KIF14: variants seen among roughly 807,000 people sequenced by gnomAD.
The protein encoded by KIF14 is kinesin family member 14.
A neutral mutation model predicts 176.2 loss-of-function variants in KIF14; 98 were observed. That is an observed-to-expected ratio of 0.56 (90% CI 0.47 to 0.66). The LOEUF is 0.66. KIF14 is among the 30% of genes least tolerant of loss of function. The pLI, the probability that KIF14 is intolerant of heterozygous loss-of-function variation, is 0.00. For synonymous variants in KIF14, 566 were observed against 632.2 expected (o/e 0.90, Z 1.57); for missense variants, 1,751 against 1,920.4 (o/e 0.91, Z 1.65).
intron 21 of KIF14, among the ~76,000 whole-genome samples, chr1:200,578,863 G>A (rs369893024): frequency 2.5e-4 from 38 of 152,220 alleles, no homozygotes; most frequent in Non-Finnish European, 4.0e-4. Flanking sequence ...AGGCCAAGGC[G>A]GGTGGATCAC....
intron 26 of KIF14, among the ~76,000 whole-genome samples, chr1:200,559,855 A>G (rs1657035435): frequency 1.3e-5 from 2 of 152,010 alleles, no homozygotes; most frequent in African/African-American, 2.4e-5. Context: ...TCCTGGTTCA[A>G]GTTATTCTCC....
chr1:200,577,958 T>G (rs1658223765), intron 21 of KIF14, among the ~76,000 whole-genome samples: 1 of 148,962 alleles, frequency 6.7e-6, no homozygotes, highest in African/African-American at 2.4e-5. Flanking sequence ...ACTTTGTTGT[T>G]TTTTTTTTTT....
intron 25 of KIF14, among the ~76,000 whole-genome samples, chr1:200,561,159 G>A (rs1008082438): frequency 2.0e-5 from 3 of 150,892 alleles, no homozygotes; most frequent in Non-Finnish European, 4.4e-5. Context: ...GAACCCAGGA[G>A]GCAGAGGTTG....
In KIF14 at chr1:200,590,165, G is replaced by C; in HGVS notation, c.2921C>G (p.Ala974Gly). 6.2e-7 allele frequency: 1 copy of C among 1,612,356 alleles called. No homozygotes were observed. ...MAQQELSSQK[A>G]AYESKIKALE... ...TGCTTTTATTTTGCTTTCATATGCAGCTTTTTGAGAAGAAAGCTCTTGCTG... is the reference window on the plus strand; with the variant it reads ...TGCTTTTATTTTGCTTTCATATGCACCTTTTTGAGAAGAAAGCTCTTGCTG... The change falls in exon 17 of 30, where the codon GCT becomes GGT. Residue 974 changes from alanine (A) to glycine (G), a missense_variant. By Grantham distance (60) the Ala-to-Gly change is moderately conservative (BLOSUM62 0). Transcript: ENST00000367350.
At chr1:200,606,010 C>T (rs1315789876) in intron 6 of KIF14, 116 bp from the exon 7 acceptor site, 3 of 508,248 alleles carry the variant, frequency 5.9e-6, no homozygotes, top group Admixed American at 6.9e-5. Context: ...TGGACTAATT[C>T]ATGAATATTA....
intron 22 of KIF14, 47 bp downstream of exon 22, chr1:200,575,544 C>T: frequency 2.1e-6 from 2 of 975,402 alleles, no homozygotes; most frequent in Admixed American, 2.0e-5. Flanking sequence ...CACACACACA[C>T]ATGCACACAC....
chr1:200,564,791 T>C (rs1356481121), intron 25 of KIF14, among the ~76,000 whole-genome samples: 3 of 152,162 alleles, frequency 2.0e-5, no homozygotes, highest in Admixed American at 1.3e-4. Context: ...CATTTCCTCA[T>C]CTACAAGATG....
chr1:200,566,008 T>C (rs1657427488), intron 23 of KIF14, among the ~76,000 whole-genome samples: 1 of 152,204 alleles, frequency 6.6e-6, no homozygotes, highest in African/African-American at 2.4e-5. Flanking sequence ...CATAATACTT[T>C]CAAACAAATG....
intron 23 of KIF14, among the ~76,000 whole-genome samples, chr1:200,566,151 C>T (rs981076679): frequency 2.0e-5 from 3 of 152,256 alleles, no homozygotes; most frequent in Admixed American, 6.5e-5. Context: ...ACCTCTCAAC[C>T]GCATCAATCC....
At chr1:200,569,796 G>T in intron 23 of KIF14, 115 bp downstream of exon 23, 1 of 536,670 alleles carries the variant, frequency 1.9e-6, no homozygotes, top group South Asian at 3.9e-5. Flanking sequence ...TTTTACAGAG[G>T]AATCAGAAGC....
rs138200518 is a variant in KIF14 at position 200,599,737 on chromosome 1, G to A, written c.2364+313C>T. 2.1e-3 allele frequency among the ~76,000 whole-genome samples: 324 copies of A among 152,238 alleles called. 2 individuals are homozygous for A. Among genetic ancestry groups the A allele is most frequent in the African/African-American group, 7.4e-3 (309 of 41,548 alleles). ...CAAGCTCTCTGAGGGATGAAACTGT[G>A]TTTAATCACCTTGGCTTCCCCTGTT... On this transcript the variant is annotated intron_variant, in intron 13 of 29. Transcript: ENST00000367350.
Position 200,568,795 on chromosome 1 carries a change from T to C in KIF14, c.3661+1116A>G, listed in dbSNP as rs115066150. Among the ~76,000 whole-genome samples, 407 of 152,334 alleles carry C rather than the reference T, an allele frequency of 2.7e-3. 3 individuals are homozygous for C. Among genetic ancestry groups the C allele is most frequent in the African/African-American group, 9.4e-3 (392 of 41,576 alleles). On this transcript the variant is annotated intron_variant, in intron 23 of 29. Coordinates refer to ENST00000367350, the MANE Select transcript of KIF14 (RefSeq NM_014875.3). ...CATATAAAAGGAATCATGTAGTATA[T>C]ATACTCTTTTGGATCTGGCTTCTTT...
intron 8 of KIF14, among the ~76,000 whole-genome samples, chr1:200,604,490 G>T (rs1659777716): frequency 6.6e-6 from 1 of 151,956 alleles, no homozygotes; most frequent in Admixed American, 6.6e-5. Context: ...ACTTCAAAGA[G>T]ATTAAAATCC....
chr1:200,594,980 C>A (rs1659254207), intron 14 of KIF14, among the ~76,000 whole-genome samples: 1 of 152,192 alleles, frequency 6.6e-6, no homozygotes, highest in Non-Finnish European at 1.5e-5. Flanking sequence ...CCATGGCCTA[C>A]CATTCTGGAC....
At chr1:200,554,434 A>C in intron 29 of KIF14, 34 bp downstream of exon 29, 1 of 1,379,794 alleles carries the variant, frequency 7.2e-7, no homozygotes, top group Non-Finnish European at 1.0e-6. Context: ...AAAATATAAA[A>C]TTCTGATTAT....
rs1571477833 is a variant in KIF14 at position 200,569,901 on chromosome 1, A to G, written c.3661+10T>C. On this transcript the variant is annotated intron_variant, in intron 23 of 29. Coordinates refer to ENST00000367350, the MANE Select transcript of KIF14 (RefSeq NM_014875.3). ...TTCTCGCCATAGAGAAAATGTGAAG[A>G]AAAAAATACCTGATGAATGTGAAGA... The G allele has an allele frequency of 6.6e-7, 1 of 1,511,372 alleles. No individual in the cohort carries two copies. Among genetic ancestry groups the G allele is most frequent in the South Asian group, 1.2e-5 (1 of 85,340 alleles). 93.6% of individuals were successfully genotyped at this position (1,511,372 alleles called of 1,614,324 possible).
In KIF14 at chr1:200,553,211, C is replaced by T. The variant is rs1656640137; in HGVS notation, c.*177G>A. 1 of 590,530 alleles carries T rather than the reference C, an allele frequency of 1.7e-6. No homozygotes were observed. Among genetic ancestry groups the T allele is most frequent in the Non-Finnish European group, 2.7e-6 (1 of 373,254 alleles). 36.6% of individuals were successfully genotyped at this position (590,530 alleles called of 1,614,324 possible). Reference sequence around the variant, plus strand: ...CCCGCCTCCCAAAGTGCTGGGATTACAGGCGTGAGCCACTGTGTCTGGCCT... The same window carrying T: ...CCCGCCTCCCAAAGTGCTGGGATTATAGGCGTGAGCCACTGTGTCTGGCCT... On this transcript the variant is annotated 3_prime_UTR_variant, in exon 30 of 30. Coordinates refer to ENST00000367350, the MANE Select transcript of KIF14 (RefSeq NM_014875.3).
At chr1:200,609,222 GTAA>G (rs1660034314) in intron 4 of KIF14, among the ~76,000 whole-genome samples, 1 of 152,168 alleles carries the variant, frequency 6.6e-6, no homozygotes, top group Non-Finnish European at 1.5e-5. Flanking sequence ...TAGGATGGCA[GTAA>G]TAATAAGAAG....
chr1:200,564,236 G>A (rs1657318108), intron 25 of KIF14, among the ~76,000 whole-genome samples: 1 of 147,170 alleles, frequency 6.8e-6, no homozygotes, highest in East Asian at 2.1e-4. Flanking sequence ...CTCCAACCTG[G>A]GTGACAAGAG....
Sources: allele counts gnomAD v4.1 joint callset (sites outside exome capture counted in the v4.1 genomes callset), GRCh38; gene constraint gnomAD v4.1.1; transcripts MANE v1.5; gene names NCBI Gene and HGNC (gene_info 2026-07-23, HGNC 2026-07-21).